Variants in LMO7 observed in about 807,000 individuals in gnomAD.
LMO7 encodes the protein LIM domain only protein 7.
Under a neutral mutation model 206.5 loss-of-function variants are expected in LMO7, and 120 were observed. The ratio of observed to expected loss-of-function variants is 0.58; its 90% CI spans 0.50 to 0.68. LMO7 has a LOEUF of 0.68. Ranked by LOEUF, LMO7 falls within the 30% of genes least tolerant of loss-of-function variation. LMO7 has a pLI of 0.00. For synonymous variants in LMO7, 706 were observed against 681.5 expected, an observed-to-expected ratio of 1.04 and a Z score of -0.56; for missense variants, 1,959 against 1,957.9, an observed-to-expected ratio of 1.00 and a Z score of -0.01.
At chr13:75,780,300 CA>C (rs749557571) in intron 4 of LMO7, among the ~76,000 whole-genome samples, 58 of 152,256 alleles carry the variant, frequency 3.8e-4, no homozygotes, top group Middle Eastern at 3.4e-3. Flanking sequence ...TATTTCATCC[CA>C]ACTGCATAAG....
At chr13:75,628,779 T>C (rs1030491633) in intron 2 of LMO7, among the ~76,000 whole-genome samples, 1 of 152,238 alleles carries the variant, frequency 6.6e-6, no homozygotes, top group Non-Finnish European at 1.5e-5. Context: ...TCTTCTCTTA[T>C]AATCTTTGTC....
In LMO7 at chr13:75,836,457, G is replaced by A; in HGVS notation, c.3394G>A (p.Ala1132Thr). Residue 1132 changes from alanine to threonine, a missense_variant and splice_region_variant, in exon 19 of 31, where the codon GCA becomes ACA. Ala to Thr is a moderately conservative substitution (Grantham distance 58). Transcript: ENST00000377534. ...HDESNAFESK[A>T]SESISLKNLK... The stretch of plus-strand genomic sequence containing the variant: ...TGAAAGCAATGCTTTTGAATCAAAA[G>A]GTAAATATCACCTTTATAACTTACA... The A allele has an allele frequency of 7.0e-7, 1 of 1,427,374 alleles. No individual in the cohort carries two copies. The highest frequency in any genetic ancestry group is 9.7e-7 in the Non-Finnish European group (1 of 1,031,594). 88.4% of individuals were successfully genotyped at this position (1,427,374 alleles called of 1,614,324 possible). A position where few individuals can be genotyped will look rare whatever the true frequency, so the allele number is the denominator to read the frequency against.
intron 2 of LMO7, among the ~76,000 whole-genome samples, chr13:75,717,873 G>T (rs1312823001): frequency 1.3e-5 from 2 of 152,234 alleles, no homozygotes; most frequent in Non-Finnish European, 2.9e-5. Flanking sequence ...GAGGAGGACA[G>T]TTGCTTACAT....
intron 2 of LMO7, among the ~76,000 whole-genome samples, chr13:75,625,459 GTGCA>G (rs2033921959): frequency 8.0e-6 from 1 of 124,926 alleles, no homozygotes; most frequent in Non-Finnish European, 1.8e-5. Context: ...GTGTGTGCAT[GTGCA>G]TGTGTGTGTG....
chr13:75,839,119 C>G (rs1439446660), intron 20 of LMO7, among the ~76,000 whole-genome samples: 1 of 152,134 alleles, frequency 6.6e-6, no homozygotes, highest in Non-Finnish European at 1.5e-5. Context: ...AAGTATCTTA[C>G]CAGCTATGCA....
chr13:75,798,323 C>T (rs1398334376), intron 6 of LMO7, among the ~76,000 whole-genome samples: 1 of 152,140 alleles, frequency 6.6e-6, no homozygotes, highest in Non-Finnish European at 1.5e-5. Context: ...TGAGCCAAGC[C>T]TGGGCAACAA....
chr13:75,638,278 A>G (rs1190747218), intron 1 of LMO7, among the ~76,000 whole-genome samples: 1 of 151,784 alleles, frequency 6.6e-6, no homozygotes, highest in African/African-American at 2.4e-5. Flanking sequence ...CTTTTTTTTT[A>G]GTATGCACAT....
At chr13:75,729,589 T>G (rs1424123383) in intron 3 of LMO7, among the ~76,000 whole-genome samples, 2 of 150,862 alleles carry the variant, frequency 1.3e-5, no homozygotes, top group Non-Finnish European at 3.0e-5. Context: ...ACAATTTGAC[T>G]TCCTCTTTTC....
At chr13:75,766,923 C>G (rs2048976800) in intron 4 of LMO7, among the ~76,000 whole-genome samples, 2 of 152,164 alleles carry the variant, frequency 1.3e-5, no homozygotes, top group South Asian at 4.1e-4. Context: ...TAATCTTTGC[C>G]AACTCATCCT....
chr13:75,754,716 G>A (rs2047537693), intron 3 of LMO7, among the ~76,000 whole-genome samples: 1 of 152,186 alleles, frequency 6.6e-6, no homozygotes, highest in Non-Finnish European at 1.5e-5. Flanking sequence ...ACTGATGAAA[G>A]AGCAAGGACA....
intron 3 of LMO7, among the ~76,000 whole-genome samples, chr13:75,734,035 T>C (rs1385769317): frequency 6.6e-6 from 1 of 152,214 alleles, no homozygotes; most frequent in African/African-American, 2.4e-5. Flanking sequence ...ATTTCCAAAA[T>C]AGTCAAGGCC....
intron 1 of LMO7, among the ~76,000 whole-genome samples, chr13:75,643,175 A>C (rs890868295): frequency 2.0e-5 from 3 of 152,142 alleles, no homozygotes; most frequent in Non-Finnish European, 4.4e-5. Context: ...TTCTCTCTGG[A>C]TGCCGAGAGT....
At position 75,804,452 on chromosome 13, in the gene LMO7, T is replaced by A; in HGVS notation, c.825T>A (p.Pro275=). The A allele has an allele frequency of 1.2e-6, 2 of 1,614,142 alleles. No individual in the cohort carries two copies. Among genetic ancestry groups the A allele is most frequent in the African/African-American group, 2.7e-5 (2 of 75,038 alleles). ...KSRQPSYVPA[P]LRKKKPDKHE... is the part of the protein sequence containing the mutation. The stretch of plus-strand genomic sequence containing the variant: ...GACAGCCATCCTATGTACCAGCACC[T>A]CTGAGAAAGAAAAAGCCAGACAAAC... Residue 275 remains proline (P), a synonymous_variant, in exon 8 of 31, where the codon CCT becomes CCA. Coordinates refer to ENST00000377534, the MANE Select transcript of LMO7 (RefSeq NM_001306080.2).
chr13:75,645,079 A>G (rs897261540), intron 1 of LMO7, among the ~76,000 whole-genome samples: 1 of 152,376 alleles, frequency 6.6e-6, no homozygotes, highest in East Asian at 1.9e-4. Context: ...TAGAATAGGA[A>G]ATAGATATCT....
intron 2 of LMO7, among the ~76,000 whole-genome samples, chr13:75,629,149 A>T (rs1266221881): frequency 6.6e-6 from 1 of 152,182 alleles, no homozygotes; most frequent in East Asian, 1.9e-4. Flanking sequence ...TCCGACCCAG[A>T]TTGTCAATTG....
chr13:75,826,630 A>G (rs1011986147), intron 15 of LMO7, among the ~76,000 whole-genome samples: 2 of 152,158 alleles, frequency 1.3e-5, no homozygotes, highest in Non-Finnish European at 1.5e-5. Flanking sequence ...CAGGCTTCTC[A>G]GGGCAGTATC....
At chr13:75,643,422 T>C (rs905439550) in intron 1 of LMO7, among the ~76,000 whole-genome samples, 4 of 152,210 alleles carry the variant, frequency 2.6e-5, no homozygotes, top group African/African-American at 9.6e-5. Context: ...TTGAGTTGTT[T>C]ATGTTGTTCC....
intron 1 of LMO7, among the ~76,000 whole-genome samples, chr13:75,637,416 T>C (rs1400011787): frequency 1.3e-5 from 2 of 152,184 alleles, no homozygotes; most frequent in Non-Finnish European, 2.9e-5. Flanking sequence ...TCTTTCACCC[T>C]GAAAAAGAGC....
chr13:75,810,893 T>G (rs982273614), intron 11 of LMO7, among the ~76,000 whole-genome samples: 3 of 152,212 alleles, frequency 2.0e-5, no homozygotes, highest in African/African-American at 7.2e-5. Flanking sequence ...TTTTCTGGAT[T>G]AGAGCTAACA....
Sources: gnomAD v4.1 joint callset for allele counts (sites outside exome capture counted in the v4.1 genomes callset) on GRCh38, gnomAD v4.1.1 for gene constraint, MANE v1.5 for transcripts, NCBI Gene and HGNC (gene_info 2026-07-23, HGNC 2026-07-21) for gene names.